GRIA1: variants seen among roughly 807,000 people sequenced by gnomAD.
The protein encoded by GRIA1 is glutamate ionotropic receptor AMPA type subunit 1.
In GRIA1, 31 loss-of-function variants were observed where a neutral mutation model predicts 99.2. The ratio of observed to expected loss-of-function variants is 0.31; its 90% confidence interval spans 0.23 to 0.42. The LOEUF (loss-of-function observed/expected upper bound fraction) is 0.42, where lower values mean the gene tolerates loss of function less well. Among genes scored for constraint, GRIA1 ranks in the 10% least tolerant of loss-of-function variants. The probability of loss-of-function intolerance (pLI) is 1.00; values close to 1 mark genes in which losing one functional copy is unlikely to be tolerated. For synonymous variants in GRIA1, 438 were observed against 432.4 expected (o/e 1.01, Z -0.16); for missense variants, 782 against 1,157.5 (o/e 0.68, Z 4.71).
chr5:153,797,471 C>G (rs1179536565), intron 14 of GRIA1, among the ~76,000 whole-genome samples: 1 of 152,190 alleles, frequency 6.6e-6, no homozygotes, highest in Non-Finnish European at 1.5e-5. Flanking sequence ...CCAGAAACAC[C>G]TCTGGGGACA....
intron 2 of GRIA1, among the ~76,000 whole-genome samples, chr5:153,508,325 C>G (rs1487523639): frequency 6.6e-6 from 1 of 152,110 alleles, no homozygotes; most frequent in African/African-American, 2.4e-5. Flanking sequence ...ATGTAGTGAG[C>G]ATGACTGAGG....
At chr5:153,525,732 C>A (rs1757534187) in intron 2 of GRIA1, among the ~76,000 whole-genome samples, 1 of 152,070 alleles carries the variant, frequency 6.6e-6, no homozygotes, top group African/African-American at 2.4e-5. Context: ...TAGTGGTTAG[C>A]CCTGTAGCTG....
intron 11 of GRIA1, among the ~76,000 whole-genome samples, chr5:153,733,632 G>A (rs1353985602): frequency 1.3e-5 from 2 of 152,080 alleles, no homozygotes; most frequent in African/African-American, 2.4e-5. Context: ...TCAGCTTTAA[G>A]TACACACATA....
At chr5:153,776,391 A>G (rs1278101089) in intron 13 of GRIA1, among the ~76,000 whole-genome samples, 1 of 152,162 alleles carries the variant, frequency 6.6e-6, no homozygotes, top group Non-Finnish European at 1.5e-5. Flanking sequence ...AAGGACAGAA[A>G]ATGGAAAAAT....
intron 2 of GRIA1, among the ~76,000 whole-genome samples, chr5:153,601,268 C>T (rs1581305058): frequency 6.6e-6 from 1 of 152,202 alleles, no homozygotes; most frequent in East Asian, 1.9e-4. Context: ...CCTAAGATCT[C>T]ATAACTCATA....
At chr5:153,650,749 T>C (rs1754504956) in intron 4 of GRIA1, among the ~76,000 whole-genome samples, 2 of 131,054 alleles carry the variant, frequency 1.5e-5, no homozygotes, top group South Asian at 4.5e-4. Flanking sequence ...AACTCCAATG[T>C]ATCCCTCTAT....
intron 11 of GRIA1, among the ~76,000 whole-genome samples, chr5:153,751,396 T>C (rs540968131): frequency 3.3e-5 from 5 of 152,370 alleles, no homozygotes; most frequent in Admixed American, 6.5e-5. Flanking sequence ...AGGTCTCTGA[T>C]ATTCGCAGTA....
intron 2 of GRIA1, among the ~76,000 whole-genome samples, chr5:153,566,304 C>CCTTTTTTTTTTTTTTTTTTTTTTTTTTT (rs537995524): frequency 2.7e-5 from 1 of 36,554 alleles, no homozygotes; most frequent in South Asian, 2.2e-3. Context: ...AATTCCCTGC[C>CCTTTTTTTTTTTTTTTTTTTTTTTTTTT]TTTTTTTTTT....
At chr5:153,573,888 T>C (rs1370850118) in intron 2 of GRIA1, among the ~76,000 whole-genome samples, 2 of 152,122 alleles carry the variant, frequency 1.3e-5, no homozygotes, top group Non-Finnish European at 2.9e-5. Flanking sequence ...TCCAACCTTC[T>C]GTGAGTCTAT....
At chr5:153,503,730 G>A (rs557909145) in intron 2 of GRIA1, among the ~76,000 whole-genome samples, 3 of 152,218 alleles carry the variant, frequency 2.0e-5, no homozygotes, top group Admixed American at 2.0e-4. Context: ...AGTTTCTTTG[G>A]CTTAAGAAAT....
At chr5:153,519,693 C>A (rs980272458) in intron 2 of GRIA1, among the ~76,000 whole-genome samples, 1 of 152,026 alleles carries the variant, frequency 6.6e-6, no homozygotes, top group Admixed American at 6.6e-5. Flanking sequence ...CATGCTTCAA[C>A]CAGCAAAGGA....
intron 8 of GRIA1, among the ~76,000 whole-genome samples, chr5:153,694,950 C>T (rs1003080924): frequency 2.0e-5 from 3 of 149,582 alleles, no homozygotes; most frequent in Non-Finnish European, 4.4e-5. Flanking sequence ...GGATGGATGA[C>T]AGGGAAGAAA....
At chr5:153,777,409 C>T (rs1764326289) in intron 13 of GRIA1, among the ~76,000 whole-genome samples, 1 of 152,124 alleles carries the variant, frequency 6.6e-6, no homozygotes, top group Non-Finnish European at 1.5e-5. Flanking sequence ...CGTTACCTTG[C>T]CAGAGTTTGA....
chr5:153,777,681 C>T (rs1326800151), intron 13 of GRIA1, among the ~76,000 whole-genome samples: 2 of 152,014 alleles, frequency 1.3e-5, no homozygotes, highest in Non-Finnish European at 2.9e-5. Context: ...TGAGCCCCAC[C>T]CTCATCCCCC....
At chr5:153,576,866 C>T (rs1258963260) in intron 2 of GRIA1, among the ~76,000 whole-genome samples, 1 of 152,032 alleles carries the variant, frequency 6.6e-6, no homozygotes, top group Non-Finnish European at 1.5e-5. Context: ...ACTCTTTATA[C>T]GAATGAGTTG....
chr5:153,656,381 G>GTT (rs1351109529), intron 5 of GRIA1, among the ~76,000 whole-genome samples: 545 of 31,196 alleles, frequency 0.017, 3 homozygotes, highest in South Asian at 0.076. Flanking sequence ...AGATAAGTTT[G>GTT]TTTATATATA....
At chr5:153,730,489 A>C (rs1760927489) in intron 11 of GRIA1, among the ~76,000 whole-genome samples, 1 of 152,180 alleles carries the variant, frequency 6.6e-6, no homozygotes, top group South Asian at 2.1e-4. Flanking sequence ...AAAATGGAGA[A>C]ATAAGAATAA....
chr5:153,649,477 GA>G (rs768350457), intron 3 of GRIA1, among the ~76,000 whole-genome samples: 4 of 141,766 alleles, frequency 2.8e-5, no homozygotes, highest in Non-Finnish European at 4.7e-5. Flanking sequence ...AGTTAGTTGA[GA>G]CAGAGTTTCA....
chr5:153,567,079 A>C (rs1295828812), intron 2 of GRIA1, among the ~76,000 whole-genome samples: 1 of 151,950 alleles, frequency 6.6e-6, no homozygotes, highest in Non-Finnish European at 1.5e-5. Flanking sequence ...CATTTGCAGC[A>C]CAGTTTTAGA....
Sources: gnomAD v4.1 joint callset for allele counts (sites outside exome capture counted in the v4.1 genomes callset) on GRCh38, gnomAD v4.1.1 for gene constraint, MANE v1.5 for transcripts, NCBI Gene and HGNC (gene_info 2026-07-23, HGNC 2026-07-21) for gene names.